Variants in CSMD1 observed in about 807,000 individuals in gnomAD.
CSMD1 encodes CUB and Sushi multiple domains 1.
Under a neutral mutation model 417.5 loss-of-function variants are expected in CSMD1, and 213 were observed. The observed-to-expected ratio is 0.51, with a 90% CI of 0.46 to 0.57. CSMD1 has a LOEUF of 0.57. Ranked by LOEUF, CSMD1 falls within the 20% of genes least tolerant of loss-of-function variation. The pLI, the probability that CSMD1 is intolerant of heterozygous loss-of-function variation, is 0.00. For missense variants in CSMD1, 6,923 were observed against 4,529.7 expected (o/e 1.53, Z -15.17); for synonymous variants, 2,862 against 1,736.8 (o/e 1.65, Z -16.11).
intron 5 of CSMD1, among the ~76,000 whole-genome samples, chr8:3,899,463 C>T (rs1048949623): frequency 6.6e-6 from 1 of 152,080 alleles, no homozygotes; most frequent in Non-Finnish European, 1.5e-5. Flanking sequence ...TGGTATTGAT[C>T]CAACCGCAGA....
intron 3 of CSMD1, among the ~76,000 whole-genome samples, chr8:4,376,529 C>G (rs1802751627): frequency 6.6e-6 from 1 of 152,068 alleles, no homozygotes; most frequent in South Asian, 2.1e-4. Context: ...TATATTTAAT[C>G]AATTTTTAAT....
intron 3 of CSMD1, among the ~76,000 whole-genome samples, chr8:4,109,638 T>A (rs535497685): frequency 6.6e-6 from 1 of 152,210 alleles, no homozygotes; most frequent in African/African-American, 2.4e-5. Flanking sequence ...GACAACATCA[T>A]TGGCAACCTT....
chr8:2,950,878 T>C (rs1342692756), intron 66 of CSMD1, among the ~76,000 whole-genome samples: 4 of 152,190 alleles, frequency 2.6e-5, no homozygotes, highest in Admixed American at 1.3e-4. Flanking sequence ...CTTGACTTAA[T>C]ATGTGCATAA....
At chr8:4,209,546 C>G (rs550570153) in intron 3 of CSMD1, among the ~76,000 whole-genome samples, 2 of 152,194 alleles carry the variant, frequency 1.3e-5, no homozygotes. Context: ...AGATTCCTTG[C>G]TGCCATGCTG....
In CSMD1 at chr8:4,309,451, A is replaced by G. The variant is rs984013631; in HGVS notation, c.415+110502T>C. ...TCAAAATTTTTATAATTTTAATATT[A>G]TGAAAGACGAGAAAAAATAAATATT... On this transcript the variant is annotated intron_variant, in intron 3 of 69. Coordinates refer to ENST00000635120, the MANE Select transcript of CSMD1 (RefSeq NM_033225.6). Among the ~76,000 whole-genome samples, 38 of 145,738 alleles carry G rather than the reference A, an allele frequency of 2.6e-4. 1 individual carries two copies. Among genetic ancestry groups the G allele is most frequent in the Middle Eastern group, 6.8e-3 (2 of 292 alleles).
At chr8:4,029,250 A>G (rs1797219134) in intron 4 of CSMD1, among the ~76,000 whole-genome samples, 1 of 152,240 alleles carries the variant, frequency 6.6e-6, no homozygotes, top group Non-Finnish European at 1.5e-5. Flanking sequence ...CAGGATGAAA[A>G]CAATTTTGGA....
chr8:3,214,284 T>C (rs1235440693), intron 30 of CSMD1, among the ~76,000 whole-genome samples: 2 of 151,808 alleles, frequency 1.3e-5, no homozygotes, highest in East Asian at 3.9e-4. Context: ...GAAGGAAAAA[T>C]ATTGCTCCTC....
chr8:3,495,149 T>C (rs180682470), intron 10 of CSMD1, among the ~76,000 whole-genome samples: 47 of 152,350 alleles, frequency 3.1e-4, no homozygotes, highest in Admixed American at 1.4e-3. Flanking sequence ...TTGATAGCTG[T>C]TGCAAACCAG....
chr8:3,894,872 C>T (rs1188755057), intron 5 of CSMD1, among the ~76,000 whole-genome samples: 3 of 152,180 alleles, frequency 2.0e-5, no homozygotes, highest in Non-Finnish European at 4.4e-5. Flanking sequence ...ATTTTCACAC[C>T]TGTCTTATAA....
At chr8:3,404,604 C>G (rs1400492931) in intron 15 of CSMD1, among the ~76,000 whole-genome samples, 1 of 152,102 alleles carries the variant, frequency 6.6e-6, no homozygotes, top group Non-Finnish European at 1.5e-5. Flanking sequence ...TATTCCTGTT[C>G]TATTCACTTA....
rs545496330 is a variant in CSMD1, at chr8:3,281,506, A to G, written c.4153+2638T>C. On this transcript the variant is annotated intron_variant, in intron 26 of 69. Coordinates refer to ENST00000635120, the MANE Select transcript of CSMD1 (RefSeq NM_033225.6). The stretch of plus-strand genomic sequence containing the variant: ...GTCAATAGAATATTATTCGCTGCTA[A>G]AAAGAAATGATCCGTACAGCCATGA... 8.5e-5 allele frequency among the ~76,000 whole-genome samples: 13 copies of G among 152,296 alleles called. No homozygotes were observed. The South Asian group carries it at 1.2e-3, about 15-fold the overall frequency.
Position 3,118,900 on chromosome 8 carries a change from G to T in CSMD1, c.6242-313C>A, listed in dbSNP as rs965981578. The stretch of plus-strand genomic sequence containing the variant: ...TAAATTATTTAAGAAAGTAATACAG[G>T]CTGGGAGCGGTGGCTCACGCCTGTA... On this transcript the variant is annotated intron_variant, in intron 41 of 69. Coordinates refer to ENST00000635120, the MANE Select transcript of CSMD1 (RefSeq NM_033225.6). Among the ~76,000 whole-genome samples, 4 of 152,162 alleles carry T rather than the reference G, an allele frequency of 2.6e-5. 1 individual carries two copies. The highest frequency in any genetic ancestry group is 9.7e-5 in the African/African-American group (4 of 41,442).
chr8:3,250,450 G>A (rs951550721), intron 26 of CSMD1, among the ~76,000 whole-genome samples: 3 of 152,146 alleles, frequency 2.0e-5, no homozygotes, highest in Non-Finnish European at 4.4e-5. Flanking sequence ...TCTTAATCCA[G>A]TCTGTCATTG....
intron 26 of CSMD1, among the ~76,000 whole-genome samples, chr8:3,271,781 G>A (rs1175862707): frequency 6.6e-6 from 1 of 151,918 alleles, no homozygotes; most frequent in Non-Finnish European, 1.5e-5. Context: ...GGGGTTGTTT[G>A]TTTTTTTCTT....
intron 2 of CSMD1, among the ~76,000 whole-genome samples, chr8:4,557,881 C>T (rs185605748): frequency 1.2e-3 from 178 of 152,208 alleles, no homozygotes; most frequent in African/African-American, 3.9e-3. Context: ...GGGAGTCGGA[C>T]AGTGTAAAGA....
intron 7 of CSMD1, among the ~76,000 whole-genome samples, chr8:3,673,035 C>A (rs540091910): frequency 6.6e-6 from 1 of 152,208 alleles, no homozygotes; most frequent in African/African-American, 2.4e-5. Context: ...CATTTCATCT[C>A]TAGAAAGTGA....
chr8:4,108,253 T>C (rs893555191), intron 3 of CSMD1, among the ~76,000 whole-genome samples: 1 of 152,160 alleles, frequency 6.6e-6, no homozygotes, highest in African/African-American at 2.4e-5. Context: ...TTTCTATAGG[T>C]TGAGTTGTTT....
At chr8:4,775,277 C>T (rs1371054426) in intron 1 of CSMD1, among the ~76,000 whole-genome samples, 4 of 152,070 alleles carry the variant, frequency 2.6e-5, no homozygotes, top group African/African-American at 7.2e-5. Context: ...GCAATGATTA[C>T]ATCAGGTCCA....
intron 1 of CSMD1, among the ~76,000 whole-genome samples, chr8:4,730,564 C>T (rs1186891454): frequency 6.6e-6 from 1 of 151,990 alleles, no homozygotes; most frequent in Non-Finnish European, 1.5e-5. Flanking sequence ...CACGGTGAAA[C>T]TCCGTCTCTA....
Sources: allele counts gnomAD v4.1 joint callset (sites outside exome capture counted in the v4.1 genomes callset), GRCh38; gene constraint gnomAD v4.1.1; transcripts MANE v1.5; gene names NCBI Gene and HGNC (gene_info 2026-07-23, HGNC 2026-07-21).